TMEM116: variants seen among roughly 807,000 people sequenced by gnomAD.
TMEM116 encodes transmembrane protein 116.
In TMEM116, 38 loss-of-function variants were observed where a neutral mutation model predicts 44.3. The observed-to-expected ratio is 0.86, with a 90% CI of 0.66 to 1.12. The LOEUF (loss-of-function observed/expected upper bound fraction) is 1.12, where lower values mean the gene tolerates loss of function less well. Ranked by LOEUF, TMEM116 falls within the 50% of genes most tolerant of loss-of-function variation. The pLI is 0.00. For missense variants in TMEM116, 354 were observed against 401.7 expected (o/e 0.88, Z 1.01); for synonymous variants, 132 against 144.8 (o/e 0.91, Z 0.64).
At chr12:111,937,990 T>C (rs531465932) in intron 6 of TMEM116, 171 bp downstream of exon 6, 7 of 432,574 alleles carry the variant, frequency 1.6e-5, no homozygotes, top group African/African-American at 1.2e-4. Context: ...TACTTCCCTA[T>C]TCAATGTGGA....
intron 4 of TMEM116, among the ~76,000 whole-genome samples, chr12:111,969,733 G>C (rs2075217922): frequency 6.6e-6 from 1 of 151,952 alleles, no homozygotes; most frequent in Non-Finnish European, 1.5e-5. Context: ...GCCCGCCACT[G>C]CGCCCGGCTA....
At chr12:111,946,896 A>T (rs2073328406) in intron 4 of TMEM116, among the ~76,000 whole-genome samples, 1 of 152,184 alleles carries the variant, frequency 6.6e-6, no homozygotes, top group African/African-American at 2.4e-5. Flanking sequence ...ACACGTCTGC[A>T]ATTCAAAAAA....
chr12:111,965,111 A>T (rs1433979516), intron 4 of TMEM116, among the ~76,000 whole-genome samples: 2 of 152,164 alleles, frequency 1.3e-5, no homozygotes, highest in African/African-American at 4.8e-5. Flanking sequence ...TTCTTTCTTT[A>T]CTGTGACTCT....
intron 4 of TMEM116, among the ~76,000 whole-genome samples, chr12:111,954,457 C>A (rs1274968465): frequency 1.3e-5 from 2 of 152,134 alleles, no homozygotes; most frequent in Non-Finnish European, 2.9e-5. Context: ...ATAAACAGAA[C>A]AATAATAGTT....
At chr12:111,976,838 A>T (rs371694067) in intron 4 of TMEM116, among the ~76,000 whole-genome samples, 1 of 152,212 alleles carries the variant, frequency 6.6e-6, no homozygotes, top group African/African-American at 2.4e-5. Flanking sequence ...GAAAGGGCAC[A>T]TCAATTAACT....
chr12:112,005,042 C>T (rs544317022), intron 2 of TMEM116, among the ~76,000 whole-genome samples: 3 of 152,298 alleles, frequency 2.0e-5, no homozygotes, highest in African/African-American at 7.2e-5. Flanking sequence ...CCAGGTTGTC[C>T]ACTGATGTTC....
intron 4 of TMEM116, among the ~76,000 whole-genome samples, chr12:111,955,523 C>T (rs894913518): frequency 3.3e-5 from 5 of 152,158 alleles, no homozygotes; most frequent in African/African-American, 1.2e-4. Context: ...GATCAGATTC[C>T]ATCTTTCAGA....
At chr12:111,943,647 G>A (rs2073036746) in intron 4 of TMEM116, among the ~76,000 whole-genome samples, 1 of 152,078 alleles carries the variant, frequency 6.6e-6, no homozygotes, top group African/African-American at 2.4e-5. Flanking sequence ...CGATTCTCCT[G>A]CCTCAGCCTC....
intron 4 of TMEM116, chr12:111,978,862 C>A: frequency 2.7e-6 from 1 of 375,536 alleles, no homozygotes; most frequent in Non-Finnish European, 5.4e-6. Flanking sequence ...AACTAAGACA[C>A]CATGCAGACA....
chr12:111,976,159 C>T (rs2075659672), intron 4 of TMEM116, among the ~76,000 whole-genome samples: 2 of 151,838 alleles, frequency 1.3e-5, no homozygotes, highest in South Asian at 4.2e-4. Flanking sequence ...CAGGCGCACA[C>T]CACAATGCCC....
At chr12:111,935,613 C>CATGTGT (rs1555205750) in intron 8 of TMEM116, 1 of 120,298 alleles carries the variant, frequency 8.3e-6, no homozygotes, top group African/African-American at 3.4e-5. Flanking sequence ...TGAGCCATCT[C>CATGTGT]GTGTGTGTGT....
intron 4 of TMEM116, among the ~76,000 whole-genome samples, chr12:111,988,820 T>C (rs970036615): frequency 1.3e-5 from 2 of 150,244 alleles, no homozygotes; most frequent in African/African-American, 4.9e-5. Flanking sequence ...TGAAACCCCG[T>C]CTCTACTAAA....
Position 111,931,657 on chromosome 12 carries a change from G to C in TMEM116, c.978C>G (p.Thr326=), listed in dbSNP as rs1390342558. 1.2e-6 allele frequency: 2 copies of C among 1,614,152 alleles called. No homozygotes were observed. Among genetic ancestry groups the C allele is most frequent in the South Asian group, 2.2e-5 (2 of 91,074 alleles). Reference sequence around the variant, plus strand: ...TAGAAGTACTGGCAGGAAAAGTCAGGGTGGATTCCAGTGAATTTAAGCCCC... The same window carrying C: ...TAGAAGTACTGGCAGGAAAAGTCAGCGTGGATTCCAGTGAATTTAAGCCCC... ...YSRGLNSLES[T]LTFPASTSTI... The change falls in exon 11 of 11, where the codon ACC becomes ACG. Residue 326 remains threonine (T), a synonymous_variant. Transcript: ENST00000552374.
chr12:111,939,877 GCTCTGTGT>G (rs1680374165), intron 5 of TMEM116, among the ~76,000 whole-genome samples: 1 of 115,184 alleles, frequency 8.7e-6, no homozygotes. Flanking sequence ...TATCTTCAAA[GCTCTGTGT>G]GTGTGTGTGT....
chr12:112,005,127 G>A (rs1222058891), intron 2 of TMEM116, 130 bp downstream of exon 2: 3 of 562,886 alleles, frequency 5.3e-6, no homozygotes, highest in South Asian at 3.0e-5. Context: ...AAAATATCAA[G>A]ATGATAAAGA....
At chr12:111,964,021 G>A (rs554923382) in intron 4 of TMEM116, among the ~76,000 whole-genome samples, 3 of 150,574 alleles carry the variant, frequency 2.0e-5, no homozygotes, top group East Asian at 1.9e-4. Context: ...ATATAAACTC[G>A]GCAACATTAA....
intron 3 of TMEM116, among the ~76,000 whole-genome samples, chr12:111,997,412 A>G (rs997672249): frequency 6.6e-6 from 1 of 152,104 alleles, no homozygotes; most frequent in Non-Finnish European, 1.5e-5. Flanking sequence ...ATTAAAAAAA[A>G]TAGCTGGCTA....
chr12:111,960,647 A>G (rs12305667), intron 4 of TMEM116, among the ~76,000 whole-genome samples: 29,719 of 152,010 alleles, frequency 0.2, 3,121 homozygotes, highest in African/African-American at 0.27. Flanking sequence ...AAGACACAAC[A>G]TACCAGAATC....
At chr12:111,991,703 C>CT (rs1208817743) in intron 4 of TMEM116, 55 bp downstream of exon 4, 1 of 1,506,696 alleles carries the variant, frequency 6.6e-7, no homozygotes, top group Non-Finnish European at 8.9e-7. Flanking sequence ...TTGTTTCTAT[C>CT]TAGATCTGAG....
Sources: gnomAD v4.1 joint callset for allele counts (sites outside exome capture counted in the v4.1 genomes callset) on GRCh38, gnomAD v4.1.1 for gene constraint, MANE v1.5 for transcripts, NCBI Gene and HGNC (gene_info 2026-07-23, HGNC 2026-07-21) for gene names.